Variants in MATCAP2 observed in about 807,000 individuals in gnomAD.
MATCAP2 encodes microtubule associated tyrosine carboxypeptidase 2, also known as putative tyrosine carboxypeptidase MATCAP2.
At chr7:36,349,203 C>T in the MATCAP2 span, among the ~76,000 whole-genome samples, 1 of 152,076 alleles carries the variant, frequency 6.6e-6, no homozygotes, top group African/African-American at 2.4e-5. Flanking sequence ...AAATTTGCAT[C>T]GTAGGAAGAC....
At chr7:36,369,216 T>A in the MATCAP2 span, among the ~76,000 whole-genome samples, 1 of 152,288 alleles carries the variant, frequency 6.6e-6, no homozygotes. Context: ...TGTGTGCATT[T>A]TCAATGATAA....
the MATCAP2 span, among the ~76,000 whole-genome samples, chr7:36,373,089 A>G: frequency 2.1e-5 from 3 of 142,782 alleles, no homozygotes; most frequent in South Asian, 7.0e-4. Flanking sequence ...TGGGCAACAG[A>G]GCAAGACTTC....
the MATCAP2 span, among the ~76,000 whole-genome samples, chr7:36,347,465 T>C: frequency 6.6e-6 from 1 of 152,322 alleles, no homozygotes; most frequent in Middle Eastern, 3.4e-3. Flanking sequence ...GTGGAAACAC[T>C]AGAAGTCAGA....
chr7:36,365,893 C>G, the MATCAP2 span, among the ~76,000 whole-genome samples: 1 of 152,186 alleles, frequency 6.6e-6, no homozygotes, highest in Non-Finnish European at 1.5e-5. Flanking sequence ...GATCCTGGAA[C>G]TATGTTTCCT....
the MATCAP2 span, among the ~76,000 whole-genome samples, chr7:36,335,774 A>G: frequency 7.3e-6 from 1 of 137,130 alleles, no homozygotes; most frequent in African/African-American, 2.5e-5. Context: ...AATCTACAGA[A>G]AAGAACTACG....
At chr7:36,360,628 C>CA in the MATCAP2 span, among the ~76,000 whole-genome samples, 1 of 152,150 alleles carries the variant, frequency 6.6e-6, no homozygotes, top group African/African-American at 2.4e-5. Flanking sequence ...ATTAATTTCT[C>CA]AGAGTCACAG....
the MATCAP2 span, chr7:36,357,051 T>C: frequency 1.2e-6 from 2 of 1,614,068 alleles, no homozygotes; most frequent in African/African-American, 1.3e-5. Context: ...TTTATAGCAG[T>C]CAATATACAA....
the MATCAP2 span, chr7:36,326,959 C>T: frequency 5.2e-6 from 8 of 1,542,838 alleles, no homozygotes; most frequent in Non-Finnish European, 7.1e-6. Context: ...AATGTAACTA[C>T]AATGTACATT....
chr7:36,367,251 G>T, the MATCAP2 span: 6 of 1,088,554 alleles, frequency 5.5e-6, no homozygotes, highest in Non-Finnish European at 6.7e-6. Flanking sequence ...TGCCCCCGGG[G>T]TCCGCGCGCG....
chr7:36,355,801 C>T, the MATCAP2 span: 1 of 152,102 alleles, frequency 6.6e-6, no homozygotes, highest in South Asian at 2.1e-4. Context: ...ATTATAAAAA[C>T]CTGAACAAAG....
the MATCAP2 span, among the ~76,000 whole-genome samples, chr7:36,352,098 T>C: frequency 3.9e-5 from 6 of 152,002 alleles, no homozygotes; most frequent in African/African-American, 1.5e-4. Context: ...AAACCCTTTC[T>C]TAAAATTAAA....
chr7:36,376,207 T>C, the MATCAP2 span, among the ~76,000 whole-genome samples: 2 of 152,338 alleles, frequency 1.3e-5, no homozygotes, highest in African/African-American at 4.8e-5. Context: ...AGATCTTTCC[T>C]GCTTTCTCTT....
At chr7:36,336,907 C>T in the MATCAP2 span, among the ~76,000 whole-genome samples, 1 of 151,428 alleles carries the variant, frequency 6.6e-6, no homozygotes, top group Non-Finnish European at 1.5e-5. Flanking sequence ...CCAGCCTGGT[C>T]CACATGGTGA....
chr7:36,379,835 C>CAGAGAG, the MATCAP2 span, among the ~76,000 whole-genome samples: 8 of 134,190 alleles, frequency 6.0e-5, no homozygotes, highest in African/African-American at 5.2e-5. Context: ...CACACACACA[C>CAGAGAG]ACACACACAC....
chr7:36,380,560 G>C, the MATCAP2 span, among the ~76,000 whole-genome samples: 1 of 152,224 alleles, frequency 6.6e-6, no homozygotes, highest in East Asian at 1.9e-4. Context: ...AGTTTCTCTT[G>C]AGTCTGGCTG....
At chr7:36,357,111 G>A in the MATCAP2 span, 2 of 1,614,214 alleles carry the variant, frequency 1.2e-6, no homozygotes, top group East Asian at 2.2e-5. Flanking sequence ...CTAGACAGCT[G>A]AGGCTTTGGC....
At chr7:36,362,250 C>G in the MATCAP2 span, among the ~76,000 whole-genome samples, 1 of 152,166 alleles carries the variant, frequency 6.6e-6, no homozygotes, top group Non-Finnish European at 1.5e-5. Context: ...AATTCAATAG[C>G]AACCAATGTA....
At chr7:36,336,335 C>T in the MATCAP2 span, 7 of 1,402,484 alleles carry the variant, frequency 5.0e-6, no homozygotes, top group Non-Finnish European at 6.8e-6. Flanking sequence ...TAAACAGCCT[C>T]ATATTACTTT....
chr7:36,390,130 C>T, the MATCAP2 span: 3 of 1,600,512 alleles, frequency 1.9e-6, no homozygotes, highest in Non-Finnish European at 2.6e-6. Context: ...GGGCGAACCC[C>T]CACCGGGCGG....
Sources: gnomAD v4.1 joint callset for allele counts (sites outside exome capture counted in the v4.1 genomes callset) on GRCh38, gnomAD v4.1.1 for gene constraint, MANE v1.5 for transcripts, NCBI Gene and HGNC (gene_info 2026-07-23, HGNC 2026-07-21) for gene names.